WIPF3: variants seen among roughly 807,000 people sequenced by gnomAD.
WIPF3 encodes WAS/WASL interacting protein family member 3, also known as WAS/WASL-interacting protein family member 3.
A neutral mutation model predicts 38.9 loss-of-function variants in WIPF3; 33 were observed. The ratio of observed to expected loss-of-function variants is 0.85; its 90% confidence interval spans 0.64 to 1.14. WIPF3 has a LOEUF of 1.14. Ranked by LOEUF, WIPF3 falls within the 50% of genes most tolerant of loss-of-function variation. WIPF3 has a pLI of 0.00. For missense variants in WIPF3, 711 were observed against 652.5 expected, an observed-to-expected ratio of 1.09 and a Z score of -0.98; for synonymous variants, 324 against 269.3, an observed-to-expected ratio of 1.20 and a Z score of -1.99.
intron 8 of WIPF3, among the ~76,000 whole-genome samples, chr7:29,908,582 T>C (rs1786444325): frequency 6.6e-6 from 1 of 152,188 alleles, no homozygotes; most frequent in Non-Finnish European, 1.5e-5. Context: ...GTCCATTTGT[T>C]AGGCCACAAA....
At chr7:29,836,306 C>T (rs549543151) in intron 2 of WIPF3, among the ~76,000 whole-genome samples, 7 of 152,264 alleles carry the variant, frequency 4.6e-5, no homozygotes, top group Non-Finnish European at 7.3e-5. Context: ...CAAATACTGA[C>T]GTACCCATAA....
intron 1 of WIPF3, among the ~76,000 whole-genome samples, chr7:29,833,315 T>G (rs1784751410): frequency 6.6e-6 from 1 of 152,252 alleles, no homozygotes; most frequent in Admixed American, 6.5e-5. Flanking sequence ...GTTAAAATGA[T>G]AAATCTGATA....
intron 1 of WIPF3, among the ~76,000 whole-genome samples, chr7:29,811,969 T>C (rs1233290071): frequency 1.3e-5 from 2 of 152,198 alleles, no homozygotes. Context: ...GCTGAAGCCA[T>C]TTAAATGAGC....
chr7:29,863,899 C>G (rs976965501), intron 2 of WIPF3, among the ~76,000 whole-genome samples: 4 of 152,186 alleles, frequency 2.6e-5, no homozygotes, highest in Non-Finnish European at 4.4e-5. Flanking sequence ...GTGTACTGAC[C>G]TGGTATCTTA....
At chr7:29,905,850 G>C (rs907830444) in intron 8 of WIPF3, 1 of 151,688 alleles carries the variant, frequency 6.6e-6, no homozygotes, top group East Asian at 1.9e-4. Context: ...TTCCCCATTT[G>C]GGAGCCAAAC....
At chr7:29,856,952 A>AT (rs1475993216) in intron 2 of WIPF3, among the ~76,000 whole-genome samples, 1 of 152,238 alleles carries the variant, frequency 6.6e-6, no homozygotes, top group Non-Finnish European at 1.5e-5. Flanking sequence ...ATGCTAAGCT[A>AT]TGGGAGACCC....
At chr7:29,896,260 G>T (rs1786141760) in intron 7 of WIPF3, among the ~76,000 whole-genome samples, 1 of 146,068 alleles carries the variant, frequency 6.8e-6, no homozygotes, top group South Asian at 2.2e-4. Flanking sequence ...AGTGAGCTAT[G>T]ATTGTGCCTG....
intron 2 of WIPF3, among the ~76,000 whole-genome samples, chr7:29,850,001 G>T (rs926477862): frequency 2.6e-5 from 4 of 152,154 alleles, no homozygotes; most frequent in African/African-American, 4.8e-5. Context: ...TCAGAGGGAA[G>T]GGTATGTCTT....
intron 2 of WIPF3, among the ~76,000 whole-genome samples, chr7:29,871,897 G>A (rs1238854012): frequency 6.6e-6 from 1 of 152,150 alleles, no homozygotes; most frequent in Non-Finnish European, 1.5e-5. Context: ...TTCTACGATG[G>A]TTCATCTTTT....
rs189293315 is a variant in WIPF3 at position 29,830,147 on chromosome 7, A to G, written c.-57-4521A>G. 5.5e-4 allele frequency among the ~76,000 whole-genome samples: 84 copies of G among 151,654 alleles called. No individual in the cohort carries two copies. The East Asian group carries it at 0.014, about 26-fold the overall frequency. ...GCCATCAAACACTACATATAAAACT[A>G]TCCTCTAATCCTGGATTTTGAAAAA... On this transcript the variant is annotated intron_variant, in intron 1 of 8. Transcript: ENST00000242140.
In WIPF3 at chr7:29,908,466, A is replaced by C. The variant is rs138446995; in HGVS notation, c.1428+4104A>C. Among the ~76,000 whole-genome samples the C allele has an allele frequency of 5.9e-3, 898 of 152,340 alleles. 10 individuals carry two copies. The highest frequency in any genetic ancestry group is 0.02 in the African/African-American group (817 of 41,580). On this transcript the variant is annotated intron_variant, in intron 8 of 8. Transcript: ENST00000242140. ...CCAGACAGGAGATAAGGAAAGAAAT[A>C]GAGAACACAAAAAAGCTGTATATAA...
At chr7:29,837,396 G>A (rs1279499988) in intron 2 of WIPF3, among the ~76,000 whole-genome samples, 2 of 152,134 alleles carry the variant, frequency 1.3e-5, no homozygotes, top group Non-Finnish European at 2.9e-5. Flanking sequence ...CACATTTTGT[G>A]CATAATGAAA....
At chr7:29,902,917 A>T (rs1786317586) in intron 7 of WIPF3, among the ~76,000 whole-genome samples, 3 of 152,018 alleles carry the variant, frequency 2.0e-5, no homozygotes, top group Admixed American at 2.0e-4. Flanking sequence ...GAATATTATT[A>T]TGTATTTCTC....
chr7:29,867,918 C>T (rs1169753343), intron 2 of WIPF3, among the ~76,000 whole-genome samples: 2 of 152,134 alleles, frequency 1.3e-5, no homozygotes, highest in African/African-American at 4.8e-5. Context: ...CAACAAAATA[C>T]TGATAGGTTG....
Position 29,884,397 on chromosome 7 carries a change from T to C in WIPF3, c.903T>C (p.Ser301=), listed in dbSNP as rs1354514624. The part of the protein sequence containing the change: ...APPPPLPPYA[S]CSPRASLPAP... ...CGCCCCCGCTCCCCCCTTATGCTTC[T>C]TGCTCCCCGAGGGCTTCTTTGCCCG... The change falls in exon 5 of 9, where the codon TCT becomes TCC. Residue 301 remains serine (S), a synonymous_variant. Coordinates refer to ENST00000242140, the MANE Select transcript of WIPF3 (RefSeq NM_001080529.3). 1 of 980,136 alleles carries C rather than the reference T, an allele frequency of 1.0e-6. No homozygotes were observed. The highest frequency in any genetic ancestry group is 1.6e-5 in the South Asian group (1 of 62,204). The allele number at this position is 980,136 out of a possible 1,614,324, so 60.7% of individuals were successfully genotyped here. A position where few individuals can be genotyped will look rare whatever the true frequency, so the allele number is the denominator to read the frequency against.
intron 2 of WIPF3, among the ~76,000 whole-genome samples, chr7:29,837,211 CT>C (rs1784818793): frequency 1.3e-5 from 2 of 151,774 alleles, no homozygotes; most frequent in South Asian, 2.1e-4. Flanking sequence ...AAAAAATTAG[CT>C]GGGCATGGTG....
chr7:29,867,750 A>T (rs1785416993), intron 2 of WIPF3, among the ~76,000 whole-genome samples: 1 of 152,128 alleles, frequency 6.6e-6, no homozygotes. Context: ...TGGCCAAAGG[A>T]TAAAAAGGGT....
At chr7:29,880,717 C>G (rs1456231689) in intron 4 of WIPF3, among the ~76,000 whole-genome samples, 1 of 152,132 alleles carries the variant, frequency 6.6e-6, no homozygotes, top group Non-Finnish European at 1.5e-5. Flanking sequence ...ATGGGGAAGA[C>G]AAGAATTTAT....
chr7:29,821,987 T>A (rs1005517093), intron 1 of WIPF3, among the ~76,000 whole-genome samples: 6 of 152,150 alleles, frequency 3.9e-5, no homozygotes, highest in African/African-American at 1.4e-4. Flanking sequence ...AAGGGTTAAT[T>A]ATTTCATTAA....
Sources: allele counts gnomAD v4.1 joint callset (sites outside exome capture counted in the v4.1 genomes callset), GRCh38; gene constraint gnomAD v4.1.1; transcripts MANE v1.5; gene names NCBI Gene and HGNC (gene_info 2026-07-23, HGNC 2026-07-21).